The following EED variants were observed in gnomAD, a reference collection of about 807,000 sequenced individuals.
EED encodes the protein embryonic ectoderm development.
A neutral mutation model predicts 61.0 loss-of-function variants in EED; 9 were observed. The ratio of observed to expected loss-of-function variants is 0.15; its 90% CI spans 0.09 to 0.26. EED has a LOEUF of 0.26. EED is among the 10% of genes least tolerant of loss of function. EED has a pLI of 1.00. For missense variants in EED, 315 were observed against 542.3 expected (o/e 0.58, Z 4.16); for synonymous variants, 187 against 174.4 (o/e 1.07, Z -0.57).
intron 1 of EED, among the ~76,000 whole-genome samples, chr11:86,246,108 T>A (rs766513396): frequency 1.3e-5 from 2 of 152,240 alleles, no homozygotes; most frequent in Non-Finnish European, 2.9e-5. Flanking sequence ...TGTTTTGCAA[T>A]CAGATTTTTT....
intron 9 of EED, among the ~76,000 whole-genome samples, chr11:86,273,191 T>C (rs1209095968): frequency 6.6e-6 from 1 of 152,196 alleles, no homozygotes; most frequent in Admixed American, 6.5e-5. Context: ...GCTCAGCTAA[T>C]TTCTTTAATG....
At chr11:86,276,529 G>A (rs1946234435) in intron 9 of EED, 2 of 152,588 alleles carry the variant, frequency 1.3e-5, no homozygotes, top group Admixed American at 6.5e-5. Flanking sequence ...AACCACCTGT[G>A]ATTAGAAGCG....
chr11:86,272,453 A>G (rs1002807292), intron 9 of EED, among the ~76,000 whole-genome samples: 2 of 152,128 alleles, frequency 1.3e-5, no homozygotes, highest in Non-Finnish European at 2.9e-5. Context: ...TCTATTTTAG[A>G]TATATTTGAT....
At chr11:86,256,327 T>C in intron 4 of EED, 60 bp from the exon 5 acceptor site, 2 of 1,430,458 alleles carry the variant, frequency 1.4e-6, no homozygotes, top group Non-Finnish European at 1.9e-6. Flanking sequence ...GTTTCTATTA[T>C]AATTATTGAC....
At chr11:86,283,255 G>T (rs1946343221), downstream of EED, among the ~76,000 whole-genome samples, 1 of 151,986 alleles carries the variant, frequency 6.6e-6, no homozygotes, top group South Asian at 2.1e-4. Flanking sequence ...CTATGGCTGA[G>T]GGTTGAAACA....
chr11:86,264,325 G>A, intron 7 of EED, 62 bp downstream of exon 7: 1 of 1,188,296 alleles, frequency 8.4e-7, no homozygotes, highest in African/African-American at 1.5e-5. Context: ...AGTCTCCATG[G>A]AACTGTTTCC....
At chr11:86,277,289 A>G (rs1946255079) in intron 10 of EED, 151 bp downstream of exon 10, 1 of 658,742 alleles carries the variant, frequency 1.5e-6, no homozygotes, top group East Asian at 2.9e-5. Context: ...TCATTCATCA[A>G]ATACTTTGGT....
At chr11:86,248,581 AT>A (rs754481550) in intron 1 of EED, among the ~76,000 whole-genome samples, 3 of 151,890 alleles carry the variant, frequency 2.0e-5, no homozygotes, top group Non-Finnish European at 4.4e-5. Flanking sequence ...AACAGTACAA[AT>A]TTATTAATAT....
chr11:86,264,389 G>C (rs574255375), intron 7 of EED, 126 bp downstream of exon 7: 1 of 593,348 alleles, frequency 1.7e-6, no homozygotes, highest in South Asian at 3.1e-5. Flanking sequence ...ACTTACATTT[G>C]ACATAGAAGA....
At chr11:86,258,607 G>A (rs1945743654) in intron 6 of EED, among the ~76,000 whole-genome samples, 1 of 149,182 alleles carries the variant, frequency 6.7e-6, no homozygotes, top group Non-Finnish European at 1.5e-5. Flanking sequence ...GGAGGCTGGA[G>A]CGCAATGGTG....
At chr11:86,267,590 A>G (rs972284202) in intron 8 of EED, among the ~76,000 whole-genome samples, 2 of 151,804 alleles carry the variant, frequency 1.3e-5, no homozygotes, top group Non-Finnish European at 2.9e-5. Context: ...AGTCCTAGGA[A>G]ATTTTATTTT....
rs140126645 is a variant in EED, at chr11:86,264,307, CTG to C, written c.726+47_726+48del. On this transcript the variant is annotated intron_variant, in intron 7 of 11. Coordinates refer to ENST00000263360, the MANE Select transcript of EED (RefSeq NM_003797.5). ...GGCAATGACTTTCAGGTTTACATAG[CTG>C]TGAACAGTCTCCATGGAACTGTTTC... 5.9e-4 allele frequency: 811 copies of C among 1,383,866 alleles called. 3 individuals carry two copies. The African/African-American group carries it at 0.01, about 18-fold the overall frequency. The allele number at this position is 1,383,866 out of a possible 1,614,324, so 85.7% of individuals were successfully genotyped here. A position where few individuals can be genotyped will look rare whatever the true frequency, so the allele number is the denominator to read the frequency against.
intron 9 of EED, among the ~76,000 whole-genome samples, chr11:86,275,083 T>G (rs1399965440): frequency 6.6e-6 from 1 of 152,218 alleles, no homozygotes; most frequent in African/African-American, 2.4e-5. Flanking sequence ...AGTTGCTGCC[T>G]TCTCTCTTAT....
In EED at chr11:86,248,766, C is replaced by A. The variant is rs528430016; in HGVS notation, c.115-1530C>A. ...GGGCGCAGTGGCTCACACCTGTAAT[C>A]CCAGCACTTTAGGTGGCTGAGGTGG... On this transcript the variant is annotated intron_variant, in intron 1 of 11. Transcript: ENST00000263360. Among the ~76,000 whole-genome samples, 5 of 152,214 alleles carry A rather than the reference C, an allele frequency of 3.3e-5. No individual in the cohort carries two copies. The East Asian group carries it at 9.6e-4, about 29-fold the overall frequency.
downstream of EED, among the ~76,000 whole-genome samples, chr11:86,281,894 G>C (rs1346847869): frequency 6.6e-6 from 1 of 152,140 alleles, no homozygotes; most frequent in East Asian, 1.9e-4. Flanking sequence ...TTCTTACACA[G>C]TGTCTTAGGA....
chr11:86,276,279 T>G (rs1302618334), intron 9 of EED: 1 of 152,204 alleles, frequency 6.6e-6, no homozygotes, highest in African/African-American at 2.4e-5. Context: ...CTTAGGTATG[T>G]GCATACAAAT....
intron 5 of EED, 109 bp downstream of exon 5, chr11:86,256,621 G>C (rs769135069): frequency 1.0e-5 from 12 of 1,143,700 alleles, no homozygotes; most frequent in Non-Finnish European, 1.4e-5. Context: ...TTTCTCATTT[G>C]ATTTGTACTT....
chr11:86,267,333 A>G (rs1946004468), intron 8 of EED, among the ~76,000 whole-genome samples: 1 of 152,194 alleles, frequency 6.6e-6, no homozygotes, highest in African/African-American at 2.4e-5. Flanking sequence ...CTCCAATCCA[A>G]AGTGCTTTTT....
At chr11:86,275,437 G>A (rs2138231492) in intron 9 of EED, among the ~76,000 whole-genome samples, 1 of 152,336 alleles carries the variant, frequency 6.6e-6, no homozygotes, top group East Asian at 1.9e-4. Flanking sequence ...TAGAAAAATA[G>A]ATTTCCTAGA....
Sources: gnomAD v4.1 joint callset for allele counts (sites outside exome capture counted in the v4.1 genomes callset) on GRCh38, gnomAD v4.1.1 for gene constraint, MANE v1.5 for transcripts, NCBI Gene and HGNC (gene_info 2026-07-23, HGNC 2026-07-21) for gene names.